ANXA4: variants seen among roughly 807,000 people sequenced by gnomAD.
ANXA4 encodes the protein annexin A4, also known as 35-beta calcimedin.
A neutral mutation model predicts 49.8 loss-of-function variants in ANXA4; 39 were observed. The ratio of observed to expected loss-of-function variants is 0.78; its 90% CI spans 0.61 to 1.02. ANXA4 has a LOEUF of 1.02. ANXA4 is among the 50% of genes least tolerant of loss of function. The pLI, the probability that ANXA4 is intolerant of heterozygous loss-of-function variation, is 0.00. For synonymous variants in ANXA4, 134 were observed against 152.5 expected, an observed-to-expected ratio of 0.88 and a Z score of 0.89; for missense variants, 360 against 410.1, an observed-to-expected ratio of 0.88 and a Z score of 1.05.
At chr2:69,818,344 T>C (rs1173301814) in intron 9 of ANXA4, 2 of 251,424 alleles carry the variant, frequency 8.0e-6, no homozygotes, top group African/African-American at 2.2e-5. Flanking sequence ...CTCCATTTTA[T>C]GTGTGAGGGT....
chr2:69,648,138 A>G (rs1387232858), intron 1 of ANXA4, among the ~76,000 whole-genome samples: 4 of 152,232 alleles, frequency 2.6e-5, no homozygotes, highest in Non-Finnish European at 5.9e-5. Context: ...GTCAAGCACT[A>G]TGTTGGGTAT....
chr2:69,656,140 G>A (rs886070150), intron 2 of ANXA4, among the ~76,000 whole-genome samples: 42 of 149,482 alleles, frequency 2.8e-4, no homozygotes, highest in African/African-American at 8.6e-4. Flanking sequence ...AAACCTGCAC[G>A]TTATGCATAT....
At chr2:69,720,547 C>CT (rs1669789046) in intron 2 of ANXA4, among the ~76,000 whole-genome samples, 1 of 152,116 alleles carries the variant, frequency 6.6e-6, no homozygotes, top group Non-Finnish European at 1.5e-5. Context: ...GTTATGTATC[C>CT]TGATGGCAAG....
At chr2:69,797,177 T>C (rs940147533) in intron 3 of ANXA4, among the ~76,000 whole-genome samples, 1 of 152,152 alleles carries the variant, frequency 6.6e-6, no homozygotes, top group Non-Finnish European at 1.5e-5. Context: ...AGATGGCTTG[T>C]TACCCATCTG....
chr2:69,678,051 C>T (rs928376443), intron 2 of ANXA4, among the ~76,000 whole-genome samples: 3 of 152,142 alleles, frequency 2.0e-5, no homozygotes, highest in African/African-American at 7.2e-5. Context: ...CTTTTATATG[C>T]ACTGAGAAAC....
intron 2 of ANXA4, among the ~76,000 whole-genome samples, chr2:69,698,748 C>T (rs553262365): frequency 6.6e-6 from 1 of 152,306 alleles, no homozygotes; most frequent in Admixed American, 6.5e-5. Context: ...CCTTGTCACT[C>T]TGAGGCTTGT....
chr2:69,701,684 A>C (rs1343968892), intron 2 of ANXA4, among the ~76,000 whole-genome samples: 1 of 151,858 alleles, frequency 6.6e-6, no homozygotes, highest in Non-Finnish European at 1.5e-5. Flanking sequence ...CATTTCCCCC[A>C]CCCTCACCAA....
intron 3 of ANXA4, among the ~76,000 whole-genome samples, chr2:69,733,204 CTT>C (rs1670150660): frequency 6.6e-6 from 1 of 152,096 alleles, no homozygotes; most frequent in Non-Finnish European, 1.5e-5. Flanking sequence ...CTGAATTAGT[CTT>C]AAGATTTACT....
At chr2:69,818,543 A>G (rs902592723) in intron 9 of ANXA4, 56 bp from the exon 10 acceptor site, 1 of 1,161,114 alleles carries the variant, frequency 8.6e-7, no homozygotes, top group Non-Finnish European at 1.2e-6. Context: ...CTCTCCATAA[A>G]TTTTAGTTTC....
intron 1 of ANXA4, among the ~76,000 whole-genome samples, chr2:69,651,831 G>A (rs1346394630): frequency 2.2e-4 from 3 of 13,564 alleles, no homozygotes; most frequent in South Asian, 9.0e-3. Flanking sequence ...GGGGGGGGGC[G>A]GGGAGACAGA....
chr2:69,714,096 T>G (rs1678784885), intron 2 of ANXA4, among the ~76,000 whole-genome samples: 1 of 152,224 alleles, frequency 6.6e-6, no homozygotes, highest in Non-Finnish European at 1.5e-5. Flanking sequence ...TCCAGGCTTT[T>G]GAAGACATCT....
At chr2:69,715,618 T>C (rs1381724112) in intron 2 of ANXA4, among the ~76,000 whole-genome samples, 1 of 152,224 alleles carries the variant, frequency 6.6e-6, no homozygotes, top group Non-Finnish European at 1.5e-5. Flanking sequence ...AACACATCCC[T>C]AAAACATTGT....
intron 3 of ANXA4, among the ~76,000 whole-genome samples, chr2:69,725,989 A>G (rs78532656): frequency 0.053 from 8,004 of 152,214 alleles, 693 homozygotes; most frequent in African/African-American, 0.18. Context: ...TATCAGAGCT[A>G]TTCAGTGAGA....
chr2:69,810,505 G>A, intron 6 of ANXA4, 89 bp from the exon 7 acceptor site: 2 of 1,064,890 alleles, frequency 1.9e-6, no homozygotes, highest in Admixed American at 1.8e-5. Context: ...TAAGCAGGCT[G>A]GTCTTGAGGG....
At chr2:69,671,025 CAAAA>C (rs762968256) in intron 2 of ANXA4, among the ~76,000 whole-genome samples, 2 of 32,542 alleles carry the variant, frequency 6.1e-5, no homozygotes, top group Non-Finnish European at 1.3e-4. Context: ...GACTCCATCT[CAAAA>C]AAAAAAAAAA....
chr2:69,718,980 C>CT (rs796398605), intron 2 of ANXA4, among the ~76,000 whole-genome samples: 2,033 of 143,890 alleles, frequency 0.014, 36 homozygotes, highest in East Asian at 0.071. Context: ...AGCTACCCTC[C>CT]TTTTTTTTTT....
intron 12 of ANXA4, among the ~76,000 whole-genome samples, chr2:69,822,168 C>G (rs963483870): frequency 6.6e-6 from 1 of 152,032 alleles, no homozygotes; most frequent in Admixed American, 6.6e-5. Flanking sequence ...CGAGACCAGC[C>G]TAGCCAACAT....
intron 1 of ANXA4, among the ~76,000 whole-genome samples, chr2:69,771,292 C>G (rs144810244): frequency 1.9e-4 from 29 of 152,222 alleles, no homozygotes; most frequent in African/African-American, 6.5e-4. Context: ...TGACCCCCGA[C>G]CACTGGCTTC....
At chr2:69,654,875 C>G (rs2105309990) in intron 2 of ANXA4, among the ~76,000 whole-genome samples, 1 of 152,262 alleles carries the variant, frequency 6.6e-6, no homozygotes, top group Admixed American at 6.5e-5. Context: ...TAACACCACA[C>G]ATCTACAACC....
Sources: gnomAD v4.1 joint callset for allele counts (sites outside exome capture counted in the v4.1 genomes callset) on GRCh38, gnomAD v4.1.1 for gene constraint, MANE v1.5 for transcripts, NCBI Gene and HGNC (gene_info 2026-07-23, HGNC 2026-07-21) for gene names.